COL25A1: variants seen among roughly 807,000 people sequenced by gnomAD.
The protein encoded by COL25A1 is collagen type XXV alpha 1 chain.
COL25A1 carries 103 observed loss-of-function variants against 128.4 expected under a neutral mutation model. The ratio of observed to expected loss-of-function variants is 0.80; its 90% confidence interval spans 0.68 to 0.94. COL25A1 has a LOEUF of 0.94. Among genes scored for constraint, COL25A1 ranks in the 40% least tolerant of loss-of-function variants. The pLI is 0.00. For synonymous variants in COL25A1, 279 were observed against 277.2 expected (o/e 1.01, Z -0.06); for missense variants, 745 against 840.0 (o/e 0.89, Z 1.40).
At chr4:108,844,418 G>A in intron 30 of COL25A1, 101 bp downstream of exon 30, 1 of 1,597,138 alleles carries the variant, frequency 6.3e-7, no homozygotes, top group East Asian at 2.2e-5. Flanking sequence ...ACAGAGAGTA[G>A]TACAAAATAC....
intron 3 of COL25A1, among the ~76,000 whole-genome samples, chr4:109,152,095 TA>T (rs57253376): frequency 0.014 from 2,012 of 142,840 alleles, 28 homozygotes; most frequent in African/African-American, 0.044. Flanking sequence ...GACTTTTTAA[TA>T]AAAAAAAAAA....
chr4:108,842,083 A>T (rs1031344840), intron 30 of COL25A1, among the ~76,000 whole-genome samples: 1 of 152,214 alleles, frequency 6.6e-6, no homozygotes, highest in Non-Finnish European at 1.5e-5. Context: ...TGAAATAAAA[A>T]TATGACTTCA....
rs114261257 is a variant in COL25A1 at position 108,948,523 on chromosome 4, C to A, written c.493-7086G>T. ...TACTACGTTTTCTCATAAATGTTAA[C>A]CCTAGTCACCCCAGGAATTATCTTT... On this transcript the variant is annotated intron_variant, in intron 8 of 37. Transcript: ENST00000399132. Among the ~76,000 whole-genome samples, 375 of 151,586 alleles carry A rather than the reference C, an allele frequency of 2.5e-3. 2 individuals carry two copies. Among genetic ancestry groups the A allele is most frequent in the African/African-American group, 8.8e-3 (363 of 41,462 alleles).
intron 3 of COL25A1, among the ~76,000 whole-genome samples, chr4:109,202,467 A>T (rs1776627502): frequency 6.6e-6 from 1 of 152,194 alleles, no homozygotes; most frequent in Non-Finnish European, 1.5e-5. Flanking sequence ...CCTAACTCAA[A>T]ATAGATAACT....
chr4:108,965,284 A>G (rs1407318446), intron 8 of COL25A1, among the ~76,000 whole-genome samples: 2 of 152,200 alleles, frequency 1.3e-5, no homozygotes, highest in African/African-American at 4.8e-5. Context: ...TGAAACTGTG[A>G]GAGCTTAGGA....
intron 14 of COL25A1, among the ~76,000 whole-genome samples, chr4:108,900,049 A>G (rs981572465): frequency 3.9e-5 from 6 of 152,084 alleles, no homozygotes; most frequent in Admixed American, 3.9e-4. Flanking sequence ...CAATTATTGT[A>G]TTTTTTTAAA....
At chr4:109,239,370 GTGTGTA>G (rs1305134993) in intron 3 of COL25A1, among the ~76,000 whole-genome samples, 4 of 96,274 alleles carry the variant, frequency 4.2e-5, no homozygotes, top group East Asian at 3.4e-4. Flanking sequence ...TTATATATGT[GTGTGTA>G]TGTGTGTGTG....
chr4:109,072,607 C>T (rs1240909547), intron 3 of COL25A1, among the ~76,000 whole-genome samples: 3 of 152,122 alleles, frequency 2.0e-5, no homozygotes, highest in Non-Finnish European at 2.9e-5. Context: ...AGTGATTTCA[C>T]CACTTCTGTC....
intron 16 of COL25A1, among the ~76,000 whole-genome samples, chr4:108,894,507 C>A (rs1231798855): frequency 2.0e-5 from 3 of 152,098 alleles, no homozygotes; most frequent in African/African-American, 7.2e-5. Context: ...AATAATAATT[C>A]ATGACACATG....
At chr4:108,891,545 C>G (rs907668231) in intron 16 of COL25A1, among the ~76,000 whole-genome samples, 1 of 152,066 alleles carries the variant, frequency 6.6e-6, no homozygotes, top group African/African-American at 2.4e-5. Flanking sequence ...TTCATAAAAG[C>G]AATTTTGACT....
At position 108,844,459 on chromosome 4, in the gene COL25A1, T is replaced by C. The variant is rs542799191; in HGVS notation, c.1629+60A>G. 5 of 1,613,800 alleles carry C rather than the reference T, an allele frequency of 3.1e-6. No homozygotes were observed. The African/African-American group carries it at 6.7e-5, about 22-fold the overall frequency. ...GGCTGTTTAGAGGGATGTGTTCATG[T>C]TCTCTCTAGCAGCATGCTCATAAAT... On this transcript the variant is annotated intron_variant, in intron 30 of 37. Transcript: ENST00000399132.
intron 3 of COL25A1, among the ~76,000 whole-genome samples, chr4:109,129,417 C>T (rs1163524507): frequency 6.6e-6 from 1 of 152,204 alleles, no homozygotes; most frequent in Non-Finnish European, 1.5e-5. Flanking sequence ...GCATGAGCCA[C>T]TGCGCCCAGC....
At chr4:109,028,781 G>A (rs1048608043) in intron 5 of COL25A1, among the ~76,000 whole-genome samples, 1 of 152,102 alleles carries the variant, frequency 6.6e-6, no homozygotes, top group Non-Finnish European at 1.5e-5. Context: ...TAGCTAGCAA[G>A]GGAGGAGTGG....
At chr4:109,034,014 C>A (rs949479211) in intron 5 of COL25A1, among the ~76,000 whole-genome samples, 1 of 152,052 alleles carries the variant, frequency 6.6e-6, no homozygotes, top group African/African-American at 2.4e-5. Flanking sequence ...TGAGGTTTAA[C>A]TCGAGTAATT....
At chr4:109,254,505 A>ATATATATATATATGTGTG (rs1383703429) in intron 3 of COL25A1, among the ~76,000 whole-genome samples, 34 of 105,004 alleles carry the variant, frequency 3.2e-4, no homozygotes, top group East Asian at 9.2e-4. Context: ...ATATATATAT[A>ATATATATATATATGTGTG]TGTATGTGTG....
At chr4:108,887,226 T>C (rs952890434) in intron 18 of COL25A1, among the ~76,000 whole-genome samples, 11 of 152,232 alleles carry the variant, frequency 7.2e-5, no homozygotes, top group African/African-American at 2.4e-4. Flanking sequence ...CTGATGAGCT[T>C]TTTGCTGTGT....
chr4:108,959,487 A>G (rs2125964803), intron 8 of COL25A1, among the ~76,000 whole-genome samples: 1 of 152,244 alleles, frequency 6.6e-6, no homozygotes, highest in South Asian at 2.1e-4. Flanking sequence ...AAAGACATTG[A>G]ATTCCTTTTC....
chr4:108,812,271 AT>A lies in COL25A1; in HGVS notation c.*1655del, dbSNP rs1730854867. ...TTAGATTTGGTCTGTGGATATGAGG[AT>A]GAGACAAACATTTAGAAATGTTAAA... On this transcript the variant is annotated 3_prime_UTR_variant, in exon 38 of 38. Transcript: ENST00000399132. The A allele has an allele frequency of 6.6e-6, 1 of 152,228 alleles. No homozygotes were observed. The highest frequency in any genetic ancestry group is 1.5e-5 in the Non-Finnish European group (1 of 68,042). 9.4% of individuals were successfully genotyped at this position (152,228 alleles called of 1,614,324 possible).
intron 29 of COL25A1, 29 bp downstream of exon 29, chr4:108,845,160 C>T (rs770605111): frequency 4.4e-6 from 7 of 1,593,238 alleles, no homozygotes; most frequent in African/African-American, 2.7e-5. Context: ...GGTTCAGGAA[C>T]AATGGAAGTT....
Sources: allele counts gnomAD v4.1 joint callset (sites outside exome capture counted in the v4.1 genomes callset), GRCh38; gene constraint gnomAD v4.1.1; transcripts MANE v1.5; gene names NCBI Gene and HGNC (gene_info 2026-07-23, HGNC 2026-07-21).